The following KIAA1217 variants were observed in gnomAD, a reference collection of about 807,000 sequenced individuals.
KIAA1217 encodes sickle tail protein homolog.
In KIAA1217, 88 loss-of-function variants were observed where a neutral mutation model predicts 163.9. The observed-to-expected ratio is 0.54, with a 90% CI of 0.45 to 0.64. The LOEUF (loss-of-function observed/expected upper bound fraction) is 0.64, where lower values mean the gene tolerates loss of function less well. KIAA1217 is among the 30% of genes least tolerant of loss of function. The pLI is 0.00. For missense variants in KIAA1217, 2,372 were observed against 2,475.0 expected (o/e 0.96, Z 0.88); for synonymous variants, 903 against 923.1 (o/e 0.98, Z 0.39).
intron 2 of KIAA1217, among the ~76,000 whole-genome samples, chr10:24,011,729 A>G (rs1281541823): frequency 6.6e-6 from 1 of 152,138 alleles, no homozygotes; most frequent in Non-Finnish European, 1.5e-5. Flanking sequence ...GCCCTTCTTC[A>G]CCTCTCACTG....
intron 2 of KIAA1217, among the ~76,000 whole-genome samples, chr10:24,071,959 G>A (rs530226903): frequency 1.0e-3 from 152 of 152,086 alleles, no homozygotes; most frequent in African/African-American, 3.5e-3. Flanking sequence ...ATCCTGGTTA[G>A]GAAGTACTTC....
chr10:24,155,008 A>C (rs540838934), intron 2 of KIAA1217, among the ~76,000 whole-genome samples: 2 of 152,124 alleles, frequency 1.3e-5, no homozygotes, highest in East Asian at 3.9e-4. Context: ...CGTTTAATGC[A>C]TACAGAGTTC....
chr10:24,299,020 A>C (rs893613265), intron 2 of KIAA1217, among the ~76,000 whole-genome samples: 2 of 152,142 alleles, frequency 1.3e-5, no homozygotes, highest in Admixed American at 6.5e-5. Context: ...CGGCAGGGTC[A>C]GAATGAATAT....
intron 1 of KIAA1217, among the ~76,000 whole-genome samples, chr10:23,733,387 C>T (rs556245475): frequency 6.6e-6 from 1 of 152,220 alleles, no homozygotes; most frequent in South Asian, 2.1e-4. Context: ...TTCAGTAGTA[C>T]AATCATTTTT....
chr10:23,947,223 G>A (rs756009084), intron 1 of KIAA1217, among the ~76,000 whole-genome samples: 5 of 152,060 alleles, frequency 3.3e-5, no homozygotes, highest in African/African-American at 9.7e-5. Context: ...CACTATATAA[G>A]GATTGAATGT....
At chr10:23,778,893 T>C (rs780933704) in intron 1 of KIAA1217, among the ~76,000 whole-genome samples, 1 of 152,192 alleles carries the variant, frequency 6.6e-6, no homozygotes, top group Non-Finnish European at 1.5e-5. Context: ...GTCTCCCCTA[T>C]ATGTGAGGCT....
At chr10:24,456,608 C>A (rs763132356) in intron 5 of KIAA1217, among the ~76,000 whole-genome samples, 8 of 152,130 alleles carry the variant, frequency 5.3e-5, no homozygotes, top group Non-Finnish European at 1.2e-4. Context: ...AAAAACCAAG[C>A]CCTTTGAGTC....
intron 1 of KIAA1217, among the ~76,000 whole-genome samples, chr10:23,730,576 A>G (rs914745373): frequency 1.6e-4 from 25 of 152,154 alleles, no homozygotes; most frequent in African/African-American, 6.0e-4. Context: ...TTATAGATCT[A>G]GTTGGGAAGA....
intron 1 of KIAA1217, among the ~76,000 whole-genome samples, chr10:23,876,034 C>G (rs115712386): frequency 1.3e-3 from 198 of 151,354 alleles, no homozygotes; most frequent in African/African-American, 4.7e-3. Context: ...ACCAACGTCG[C>G]ATATGTATAC....
At chr10:24,128,363 AT>A (rs2063539841) in intron 2 of KIAA1217, among the ~76,000 whole-genome samples, 2 of 152,206 alleles carry the variant, frequency 1.3e-5, no homozygotes, top group Admixed American at 1.3e-4. Context: ...TGCACCCTAG[AT>A]TATGTAACTT....
At chr10:24,304,167 G>T (rs981594466) in intron 2 of KIAA1217, among the ~76,000 whole-genome samples, 5 of 126,596 alleles carry the variant, frequency 3.9e-5, no homozygotes, top group South Asian at 5.1e-4. Flanking sequence ...GTTTCAGTTT[G>T]TCATTGCTTC....
At chr10:24,227,312 C>A (rs925890686) in intron 2 of KIAA1217, among the ~76,000 whole-genome samples, 2 of 151,164 alleles carry the variant, frequency 1.3e-5, no homozygotes, top group Non-Finnish European at 2.9e-5. Flanking sequence ...GGTCCGCCAC[C>A]ACACCCAGCT....
chr10:24,342,952 C>T lies in KIAA1217; in HGVS notation c.355-37917C>T, dbSNP rs550193156. ...GATTACAGGCGTGAGCCACTGCACC[C>T]GGCCGACTCAGTTTTTAATGATTAC... On this transcript the variant is annotated intron_variant, in intron 2 of 20. Coordinates refer to ENST00000376454, the MANE Select transcript of KIAA1217 (RefSeq NM_019590.5). Among the ~76,000 whole-genome samples the T allele has an allele frequency of 3.9e-5, 6 of 152,214 alleles. No individual in the cohort carries two copies. In the South Asian group the frequency reaches 6.2e-4, roughly 16 times the overall value.
chr10:24,501,447 C>A lies in KIAA1217; in HGVS notation c.1903C>A (p.Pro635Thr). 1 of 1,614,094 alleles carries A rather than the reference C, an allele frequency of 6.2e-7. No individual in the cohort carries two copies. Among genetic ancestry groups the A allele is most frequent in the Non-Finnish European group, 8.5e-7 (1 of 1,180,008 alleles). Residue 635 changes from proline (P) to threonine (T), a missense_variant, in exon 9 of 21, where the codon CCA becomes ACA. Pro to Thr is a conservative substitution (Grantham distance 38, BLOSUM62 -1). Around this residue, in one of 3 missense-constraint regions of KIAA1217, gnomAD observed 1,431 missense variants for 1,470.3 expected, o/e 0.97. Coordinates refer to ENST00000376454, the MANE Select transcript of KIAA1217 (RefSeq NM_019590.5). Reference sequence around the variant, plus strand: ...GTCCACGGTGCCTCCCAGCCAGCCTCCACCTGTGGGCACCTCAGCCATCCA... The same window carrying A: ...GTCCACGGTGCCTCCCAGCCAGCCTACACCTGTGGGCACCTCAGCCATCCA... ...LESTVPPSQP[P>T]PVGTSAIHMS...
intron 1 of KIAA1217, among the ~76,000 whole-genome samples, chr10:23,843,009 G>T (rs748116485): frequency 3.9e-5 from 6 of 152,096 alleles, no homozygotes; most frequent in African/African-American, 7.2e-5. Flanking sequence ...AACATCACTG[G>T]GCAGAAGTTG....
intron 1 of KIAA1217, among the ~76,000 whole-genome samples, chr10:23,966,418 G>A (rs1017803841): frequency 2.0e-5 from 3 of 152,120 alleles, no homozygotes; most frequent in Non-Finnish European, 4.4e-5. Flanking sequence ...AGGAAGGGCC[G>A]GGTCCACATA....
At chr10:24,049,880 C>T (rs1490694417) in intron 2 of KIAA1217, among the ~76,000 whole-genome samples, 1 of 152,282 alleles carries the variant, frequency 6.6e-6, no homozygotes, top group Non-Finnish European at 1.5e-5. Flanking sequence ...GAGGAATCGC[C>T]ACACTGTCTT....
At chr10:24,320,491 G>A (rs1326468117) in intron 2 of KIAA1217, among the ~76,000 whole-genome samples, 1 of 152,030 alleles carries the variant, frequency 6.6e-6, no homozygotes, top group Non-Finnish European at 1.5e-5. Flanking sequence ...ATTCCTTTTT[G>A]GTTAGAGTAT....
intron 17 of KIAA1217, among the ~76,000 whole-genome samples, chr10:24,541,482 T>C (rs1393417997): frequency 2.6e-5 from 4 of 152,180 alleles, no homozygotes; most frequent in South Asian, 4.1e-4. Context: ...AGTAAGGTCA[T>C]AGGGGTTGCT....
Sources: gnomAD v4.1 joint callset for allele counts (sites outside exome capture counted in the v4.1 genomes callset) on GRCh38, gnomAD v4.1.1 for gene constraint, gnomAD v4.1.1 regional missense constraint, MANE v1.5 for transcripts, NCBI Gene and HGNC (gene_info 2026-07-23, HGNC 2026-07-21) for gene names.